Variants in CIB4 observed in about 807,000 individuals in gnomAD.
CIB4 encodes the protein calcium and integrin-binding family member 4.
A neutral mutation model predicts 25.8 loss-of-function variants in CIB4; 25 were observed. That is an observed-to-expected ratio of 0.97 (90% CI 0.71 to 1.35). The LOEUF is 1.35. Among genes scored for constraint, CIB4 ranks in the 40% most tolerant of loss-of-function variants. The probability of loss-of-function intolerance (pLI) is 0.00; values close to 1 mark genes in which losing one functional copy is unlikely to be tolerated. For missense variants in CIB4, 235 were observed against 228.2 expected (o/e 1.03, Z -0.19); for synonymous variants, 75 against 81.4 (o/e 0.92, Z 0.42).
chr2:26,624,389 T>C lies in CIB4; in HGVS notation c.186+5021A>G, dbSNP rs542501884. 6.6e-5 allele frequency among the ~76,000 whole-genome samples: 10 copies of C among 152,254 alleles called. No homozygotes were observed. In the South Asian group the frequency reaches 2.1e-3, roughly 32 times the overall value. ...TTTGGGAAGCAAGGCTTCTGCTTTG[T>C]CCAGAATCGGAAAGACACAGAAGGA... On this transcript the variant is annotated intron_variant, in intron 3 of 6. Transcript: ENST00000288861.
At chr2:26,626,317 T>C (rs754753399) in intron 3 of CIB4, among the ~76,000 whole-genome samples, 134 of 108,980 alleles carry the variant, frequency 1.2e-3, no homozygotes, top group Non-Finnish European at 2.5e-3. Context: ...GCTCAGGGTC[T>C]TCAGTTCAAA....
intron 3 of CIB4, among the ~76,000 whole-genome samples, chr2:26,612,615 G>A (rs1669017305): frequency 6.6e-6 from 1 of 152,066 alleles, no homozygotes; most frequent in Admixed American, 6.5e-5. Flanking sequence ...TGGCCCTGCT[G>A]GGAGCCTTCC....
intron 2 of CIB4, among the ~76,000 whole-genome samples, chr2:26,639,502 ATTC>A: frequency 6.6e-6 from 1 of 151,912 alleles, no homozygotes; most frequent in East Asian, 1.9e-4. Context: ...TTTTATTTTT[ATTC>A]ATGTGATACT....
chr2:26,588,689 A>C (rs1051260244), intron 4 of CIB4, among the ~76,000 whole-genome samples: 1 of 152,234 alleles, frequency 6.6e-6, no homozygotes, highest in Non-Finnish European at 1.5e-5. Flanking sequence ...AGCCACCTGC[A>C]CCTGCCGTGG....
intron 3 of CIB4, among the ~76,000 whole-genome samples, chr2:26,615,961 G>T (rs137999969): frequency 1.9e-4 from 29 of 152,326 alleles, no homozygotes; most frequent in Admixed American, 3.9e-4. Flanking sequence ...TACCCTCCCA[G>T]CTCCGACTGG....
chr2:26,604,927 C>T (rs12105726), intron 3 of CIB4, among the ~76,000 whole-genome samples: 8,966 of 151,972 alleles, frequency 0.059, 857 homozygotes, highest in African/African-American at 0.2. Context: ...TCAACGGGAC[C>T]CAATTGATAT....
At chr2:26,591,099 G>A (rs1005084320) in intron 4 of CIB4, among the ~76,000 whole-genome samples, 10 of 152,222 alleles carry the variant, frequency 6.6e-5, no homozygotes, top group African/African-American at 1.2e-4. Context: ...GAAAGTCAGC[G>A]GAGGCAGACG....
intron 3 of CIB4, among the ~76,000 whole-genome samples, chr2:26,597,767 G>A (rs1428365727): frequency 6.6e-6 from 1 of 151,894 alleles, no homozygotes; most frequent in Non-Finnish European, 1.5e-5. Flanking sequence ...TTATTGCGGG[G>A]GATTTGTGAT....
chr2:26,600,314 G>T (rs1668758352), intron 3 of CIB4, among the ~76,000 whole-genome samples: 1 of 151,950 alleles, frequency 6.6e-6, no homozygotes, highest in African/African-American at 2.4e-5. Flanking sequence ...TGAGGCAGAA[G>T]AATTGCTTGA....
intron 3 of CIB4, among the ~76,000 whole-genome samples, chr2:26,616,696 T>C (rs1338384904): frequency 6.6e-6 from 1 of 152,164 alleles, no homozygotes; most frequent in Admixed American, 6.5e-5. Context: ...ATCTCAGCCA[T>C]CAACCACCCC....
intron 4 of CIB4, among the ~76,000 whole-genome samples, chr2:26,588,696 G>C (rs954716702): frequency 2.0e-5 from 3 of 152,216 alleles, no homozygotes; most frequent in African/African-American, 7.2e-5. Context: ...TGCACCTGCC[G>C]TGGCGTCAGT....
chr2:26,618,880 G>A lies in CIB4; in HGVS notation c.186+10530C>T, dbSNP rs148770676. Among the ~76,000 whole-genome samples the A allele has an allele frequency of 6.6e-3, 1,008 of 152,236 alleles. 8 individuals carry two copies. The highest frequency in any genetic ancestry group is 0.011 in the Non-Finnish European group (781 of 67,978). On this transcript the variant is annotated intron_variant, in intron 3 of 6. Coordinates refer to ENST00000288861, the MANE Select transcript of CIB4 (RefSeq NM_001029881.3). ...GGGCATGACCAAGGCATCTCCCACC[G>A]GCCTCTCTAGGAGGGACTGTGCTTA...
At chr2:26,591,562 G>A (rs1340986398) in intron 4 of CIB4, among the ~76,000 whole-genome samples, 1 of 152,192 alleles carries the variant, frequency 6.6e-6, no homozygotes, top group Non-Finnish European at 1.5e-5. Flanking sequence ...CTTGGCAGAC[G>A]AACTCTAGTG....
rs1416750345 is a variant in CIB4, at chr2:26,641,326, C to G, written c.-12G>C. Reference sequence around the variant, plus strand: ...AAGCATTGCCCCATGCCAACCACACCTTTCTGTCTGCCAGCAGTAGAACCT... The same window carrying G: ...AAGCATTGCCCCATGCCAACCACACGTTTCTGTCTGCCAGCAGTAGAACCT... On this transcript the variant is annotated 5_prime_UTR_variant, in exon 1 of 7. Transcript: ENST00000288861. The G allele has an allele frequency of 1.9e-6, 3 of 1,612,680 alleles. No homozygotes were observed. The African/African-American group carries it at 4.0e-5, about 22-fold the overall frequency.
chr2:26,597,568 A>G (rs1055460815), intron 3 of CIB4, among the ~76,000 whole-genome samples: 2 of 152,206 alleles, frequency 1.3e-5, no homozygotes, highest in Admixed American at 6.5e-5. Context: ...AAACAATAGC[A>G]TAGTGTAAGG....
intron 3 of CIB4, among the ~76,000 whole-genome samples, chr2:26,604,778 GT>G (rs2148205474): frequency 6.6e-6 from 1 of 152,210 alleles, no homozygotes; most frequent in South Asian, 2.1e-4. Context: ...AACATAAAGG[GT>G]TTTTCCCCTC....
intron 2 of CIB4, among the ~76,000 whole-genome samples, chr2:26,632,539 T>G (rs932177950): frequency 6.6e-6 from 1 of 152,028 alleles, no homozygotes; most frequent in African/African-American, 2.4e-5. Flanking sequence ...GGCGGATCAC[T>G]GGAGGTCAGG....
At chr2:26,640,015 C>G (rs149844766) in intron 2 of CIB4, among the ~76,000 whole-genome samples, 7 of 151,828 alleles carry the variant, frequency 4.6e-5, no homozygotes, top group Non-Finnish European at 1.0e-4. Flanking sequence ...GACAGCGGTC[C>G]GCATGACAAC....
At chr2:26,596,821 C>A (rs1668691665) in intron 3 of CIB4, among the ~76,000 whole-genome samples, 2 of 151,816 alleles carry the variant, frequency 1.3e-5, no homozygotes, top group African/African-American at 4.8e-5. Flanking sequence ...ATCTTCTGAA[C>A]CACATGGAGG....
Sources: gnomAD v4.1 joint callset for allele counts (sites outside exome capture counted in the v4.1 genomes callset) on GRCh38, gnomAD v4.1.1 for gene constraint, MANE v1.5 for transcripts, NCBI Gene and HGNC (gene_info 2026-07-23, HGNC 2026-07-21) for gene names.